The following DCDC1 variants were observed in gnomAD, a reference collection of about 807,000 sequenced individuals.
The protein encoded by DCDC1 is doublecortin domain-containing protein 1.
Under a neutral mutation model 178.3 loss-of-function variants are expected in DCDC1, and 200 were observed. The ratio of observed to expected loss-of-function variants is 1.12; its 90% CI spans 1.00 to 1.26. The LOEUF is 1.26. DCDC1 is among the 50% of genes most tolerant of loss of function. DCDC1 has a pLI of 0.00. For missense variants in DCDC1, 1,983 were observed against 1,749.2 expected (o/e 1.13, Z -2.38); for synonymous variants, 690 against 604.8 (o/e 1.14, Z -2.07).
intron 34 of DCDC1, among the ~76,000 whole-genome samples, chr11:30,897,682 T>C (rs982429881): frequency 6.6e-6 from 1 of 152,092 alleles, no homozygotes; most frequent in African/African-American, 2.4e-5. Context: ...CCAGGTGCTA[T>C]TTTCAGTATT....
At chr11:30,943,732 C>G in intron 21 of DCDC1, 2 of 413,848 alleles carry the variant, frequency 4.8e-6, no homozygotes, top group South Asian at 3.5e-5. Flanking sequence ...TAAGGCTTTA[C>G]CATATTTAAA....
chr11:31,235,984 T>A (rs536342257), intron 9 of DCDC1, among the ~76,000 whole-genome samples: 1 of 152,118 alleles, frequency 6.6e-6, no homozygotes, highest in South Asian at 2.1e-4. Flanking sequence ...ATAGTTTTCA[T>A]GATAAAAAGT....
At chr11:31,083,038 C>G (rs1253083830) in intron 17 of DCDC1, among the ~76,000 whole-genome samples, 1 of 152,174 alleles carries the variant, frequency 6.6e-6, no homozygotes, top group African/African-American at 2.4e-5. Context: ...CTTCTGTCTG[C>G]TGCTATTCCT....
At chr11:30,916,704 C>T (rs749969048) in intron 26 of DCDC1, among the ~76,000 whole-genome samples, 166 bp downstream of exon 26, 6 of 151,992 alleles carry the variant, frequency 3.9e-5, no homozygotes, top group Non-Finnish European at 5.9e-5. Flanking sequence ...AGGACCTTCC[C>T]GCAAAATTTT....
intron 13 of DCDC1, among the ~76,000 whole-genome samples, chr11:31,105,833 C>T (rs1958810462): frequency 6.6e-6 from 1 of 152,026 alleles, no homozygotes; most frequent in Admixed American, 6.6e-5. Context: ...ATAGCAAATC[C>T]AATAGCCCTT....
At chr11:30,933,022 T>C (rs1291012125) in intron 21 of DCDC1, among the ~76,000 whole-genome samples, 1 of 152,092 alleles carries the variant, frequency 6.6e-6, no homozygotes, top group African/African-American at 2.4e-5. Context: ...CATAAACCAT[T>C]GCTCTGGCAG....
At chr11:30,934,069 A>G (rs1325839986) in intron 21 of DCDC1, among the ~76,000 whole-genome samples, 2 of 152,192 alleles carry the variant, frequency 1.3e-5, no homozygotes, top group African/African-American at 2.4e-5. Flanking sequence ...CTGGCTTACC[A>G]TCCCTTTGAG....
intron 18 of DCDC1, among the ~76,000 whole-genome samples, chr11:31,073,495 T>A (rs144100906): frequency 1.3e-5 from 2 of 152,226 alleles, no homozygotes; most frequent in East Asian, 3.9e-4. Flanking sequence ...GTAATATGAG[T>A]CAACTGTGTT....
intron 15 of DCDC1, among the ~76,000 whole-genome samples, chr11:31,100,435 C>A (rs1037029249): frequency 5.3e-5 from 8 of 152,286 alleles, no homozygotes; most frequent in African/African-American, 1.9e-4. Flanking sequence ...TACCAAAACA[C>A]AAACTCAACA....
chr11:30,899,949 T>G (rs747767518), intron 33 of DCDC1, among the ~76,000 whole-genome samples: 8 of 152,178 alleles, frequency 5.3e-5, no homozygotes, highest in Non-Finnish European at 5.9e-5. Context: ...TTGGAACCAT[T>G]CATTTTTTAA....
chr11:31,267,340 G>A (rs191691997), intron 7 of DCDC1, among the ~76,000 whole-genome samples: 194 of 152,096 alleles, frequency 1.3e-3, no homozygotes, highest in Non-Finnish European at 2.0e-3. Context: ...ACAGGCATGC[G>A]CCACCACGCC....
At chr11:31,040,920 A>G (rs1441960877) in intron 20 of DCDC1, among the ~76,000 whole-genome samples, 1 of 152,252 alleles carries the variant, frequency 6.6e-6, no homozygotes, top group Non-Finnish European at 1.5e-5. Context: ...CCAAGGCATC[A>G]TATGTATTCA....
chr11:31,259,278 G>A (rs763431545), intron 8 of DCDC1, among the ~76,000 whole-genome samples: 14 of 152,120 alleles, frequency 9.2e-5, no homozygotes, highest in East Asian at 3.9e-4. Context: ...ACCTGAACCC[G>A]GGAGGCGGAG....
intron 15 of DCDC1, among the ~76,000 whole-genome samples, chr11:31,094,823 T>G (rs1958048741): frequency 6.6e-6 from 1 of 152,034 alleles, no homozygotes; most frequent in Non-Finnish European, 1.5e-5. Context: ...CTTTAAGTTC[T>G]GGGGTACATG....
chr11:30,908,971 A>G lies in DCDC1; in HGVS notation c.3893T>C (p.Ile1298Thr), dbSNP rs1218925586. The G allele has an allele frequency of 1.2e-6, 2 of 1,604,470 alleles. No homozygotes were observed. Among genetic ancestry groups the G allele is most frequent in the East Asian group, 2.2e-5 (1 of 44,530 alleles). Residue 1298 changes from isoleucine (I) to threonine (T), a missense_variant, in exon 29 of 39, where the codon ATT becomes ACT. Ile to Thr is a moderately conservative substitution (Grantham distance 89, BLOSUM62 -1). Coordinates refer to ENST00000684477, the MANE Select transcript of DCDC1 (RefSeq NM_001387274.1). ...TGGTTGATCAATGTTTTCTTCTTTA[A>G]TCACAGATGATGTACAGACACCAGC... is the stretch of plus-strand genomic sequence containing the variant. Reference protein sequence around the residue: ...NYAGVCTSSVIKEENIDQPGY... With the variant: ...NYAGVCTSSVTKEENIDQPGY...
intron 18 of DCDC1, among the ~76,000 whole-genome samples, chr11:31,070,435 T>C (rs1428430303): frequency 1.3e-5 from 2 of 152,196 alleles, no homozygotes; most frequent in Non-Finnish European, 1.5e-5. Flanking sequence ...AATGCATTCT[T>C]CACATTCTAA....
chr11:30,885,419 A>G (rs1018370451), intron 36 of DCDC1, among the ~76,000 whole-genome samples: 1 of 152,054 alleles, frequency 6.6e-6, no homozygotes, highest in Non-Finnish European at 1.5e-5. Context: ...ACACAATAGT[A>G]AATTGGAAAT....
At chr11:30,998,543 G>A (rs543550072) in intron 20 of DCDC1, among the ~76,000 whole-genome samples, 2 of 151,952 alleles carry the variant, frequency 1.3e-5, no homozygotes, top group African/African-American at 4.8e-5. Flanking sequence ...CCTTGCAAAA[G>A]AATTCCAATT....
In DCDC1 at chr11:30,869,617, A is replaced by T. The variant is rs144800246; in HGVS notation, c.*41-4285T>A. 4.0e-3 allele frequency among the ~76,000 whole-genome samples: 608 copies of T among 152,296 alleles called. 5 individuals carry two copies. The highest frequency in any genetic ancestry group is 0.013 in the African/African-American group (553 of 41,568). On this transcript the variant is annotated intron_variant, in intron 38 of 38. Coordinates refer to ENST00000684477, the MANE Select transcript of DCDC1 (RefSeq NM_001387274.1). Reference sequence around the variant, plus strand: ...TGAGCAACAGGTACAGGGGGAGCACATGGAAGGAAGTTCCCCACACAGTCA... The same window carrying T: ...TGAGCAACAGGTACAGGGGGAGCACTTGGAAGGAAGTTCCCCACACAGTCA...
Sources: allele counts gnomAD v4.1 joint callset (sites outside exome capture counted in the v4.1 genomes callset), GRCh38; gene constraint gnomAD v4.1.1; transcripts MANE v1.5; gene names NCBI Gene and HGNC (gene_info 2026-07-23, HGNC 2026-07-21).